Variants in TSGA10 observed in about 807,000 individuals in gnomAD.
The protein encoded by TSGA10 is testis specific 10.
TSGA10 carries 43 observed loss-of-function variants against 96.6 expected under a neutral mutation model. The ratio of observed to expected loss-of-function variants is 0.44; its 90% confidence interval spans 0.35 to 0.57. TSGA10 has a LOEUF of 0.57. TSGA10 is among the 20% of genes least tolerant of loss of function. The probability of loss-of-function intolerance (pLI) is 0.01; values close to 1 mark genes in which losing one functional copy is unlikely to be tolerated. For synonymous variants in TSGA10, 229 were observed against 269.9 expected (o/e 0.85, Z 1.48); for missense variants, 703 against 834.4 (o/e 0.84, Z 1.94).
At chr2:99,045,784 C>G (rs59677064) in intron 16 of TSGA10, among the ~76,000 whole-genome samples, 1 of 152,104 alleles carries the variant, frequency 6.6e-6, no homozygotes, top group Admixed American at 6.5e-5. Context: ...AAGACACAGA[C>G]TGGCAAATTT....
intron 20 of TSGA10, among the ~76,000 whole-genome samples, chr2:99,005,495 A>G (rs1028689001): frequency 5.3e-5 from 8 of 152,200 alleles, no homozygotes; most frequent in Admixed American, 6.5e-5. Context: ...TTATACACCA[A>G]TAACAGACAG....
chr2:99,046,808 A>G (rs957656219), intron 16 of TSGA10, among the ~76,000 whole-genome samples: 2 of 152,188 alleles, frequency 1.3e-5, no homozygotes, highest in South Asian at 2.1e-4. Flanking sequence ...AAGATCAACA[A>G]AACTGATAGA....
rs186469468 is a variant in TSGA10 at position 99,087,430 on chromosome 2, C to T, written c.612-6033G>A. Among the ~76,000 whole-genome samples, 10 of 152,218 alleles carry T rather than the reference C, an allele frequency of 6.6e-5. No individual in the cohort carries two copies. The East Asian group carries it at 1.4e-3, about 21-fold the overall frequency. ...CTGAGGCAGGAGAATCGTTTGAACC[C>T]GGGAGGCGGAGGTTGCAGTGAGCCG... On this transcript the variant is annotated intron_variant, in intron 10 of 20. Transcript: ENST00000393483.
In TSGA10 at chr2:99,100,725, C is replaced by A. The variant is rs111356201; in HGVS notation, c.611+3242G>T. On this transcript the variant is annotated intron_variant, in intron 10 of 20. Coordinates refer to ENST00000393483, the MANE Select transcript of TSGA10 (RefSeq NM_025244.4). Reference sequence around the variant, plus strand: ...GTCCCAGCTGCTCAGGAGGCTGAGGCAGGAGAATGGTGTGAACCCCGGAGG... The same window carrying A: ...GTCCCAGCTGCTCAGGAGGCTGAGGAAGGAGAATGGTGTGAACCCCGGAGG... Among the ~76,000 whole-genome samples the A allele has an allele frequency of 2.0e-3, 290 of 146,084 alleles. 1 individual carries two copies. Among genetic ancestry groups the A allele is most frequent in the African/African-American group, 7.0e-3 (277 of 39,504 alleles).
At chr2:99,088,470 ACATATCCCC>A (rs2088850545) in intron 10 of TSGA10, among the ~76,000 whole-genome samples, 1 of 152,182 alleles carries the variant, frequency 6.6e-6, no homozygotes, top group South Asian at 2.1e-4. Flanking sequence ...GGGTCTTGGG[ACATATCCCC>A]CCTCGATAAG....
At chr2:99,046,441 T>A (rs569327398) in intron 16 of TSGA10, among the ~76,000 whole-genome samples, 1 of 152,078 alleles carries the variant, frequency 6.6e-6, no homozygotes, top group African/African-American at 2.4e-5. Flanking sequence ...CTCAACTACA[T>A]GGAAACTGAA....
intron 10 of TSGA10, among the ~76,000 whole-genome samples, chr2:99,096,313 A>G (rs940250634): frequency 4.6e-5 from 7 of 152,218 alleles, no homozygotes; most frequent in Non-Finnish European, 8.8e-5. Flanking sequence ...AAGTTGTTAT[A>G]CACCTTTCTA....
intron 17 of TSGA10, among the ~76,000 whole-genome samples, chr2:99,028,088 C>T (rs547332223): frequency 1.3e-5 from 2 of 152,156 alleles, no homozygotes; most frequent in Non-Finnish European, 2.9e-5. Flanking sequence ...TAGCCCCTCC[C>T]GCTAGGATGC....
chr2:99,010,530 T>C (rs895183008), intron 20 of TSGA10, among the ~76,000 whole-genome samples: 3 of 152,204 alleles, frequency 2.0e-5, no homozygotes, highest in Non-Finnish European at 4.4e-5. Context: ...AAGAGATTTA[T>C]GGAGTCACGT....
chr2:99,006,196 G>T (rs2078454082), intron 20 of TSGA10, among the ~76,000 whole-genome samples: 2 of 152,276 alleles, frequency 1.3e-5, no homozygotes, highest in Admixed American at 1.3e-4. Context: ...AACCTTAGAA[G>T]AAAACCTAGG....
intron 10 of TSGA10, among the ~76,000 whole-genome samples, chr2:99,092,844 C>T (rs1464901810): frequency 1.3e-5 from 2 of 152,000 alleles, no homozygotes; most frequent in Non-Finnish European, 2.9e-5. Context: ...AGAATTGGTA[C>T]CAATTCTACT....
At chr2:99,032,082 T>A (rs1181042613) in intron 17 of TSGA10, among the ~76,000 whole-genome samples, 2 of 152,164 alleles carry the variant, frequency 1.3e-5, no homozygotes, top group Admixed American at 1.3e-4. Flanking sequence ...AGTGAGTTGA[T>A]GTGCTTCAAT....
At position 98,998,160 on chromosome 2, in the gene TSGA10, T is replaced by C; in HGVS notation, c.*37A>G. The C allele has an allele frequency of 6.3e-7, 1 of 1,581,940 alleles. No homozygotes were observed. Among genetic ancestry groups the C allele is most frequent in the African/African-American group, 1.4e-5 (1 of 73,174 alleles). ...AAAAAAAAAAATCAGTTTGTAACTTTGACCTTTCTCAGGGATGTGAAGAAT... is the reference window on the plus strand; with the variant it reads ...AAAAAAAAAAATCAGTTTGTAACTTCGACCTTTCTCAGGGATGTGAAGAAT... On this transcript the variant is annotated 3_prime_UTR_variant, in exon 21 of 21. Coordinates refer to ENST00000393483, the MANE Select transcript of TSGA10 (RefSeq NM_025244.4).
chr2:99,150,870 T>A, intron 1 of TSGA10: 1 of 1,390,420 alleles, frequency 7.2e-7, no homozygotes, highest in South Asian at 1.3e-5. Context: ...AACCAAAAAC[T>A]GCCTTTGACT....
intron 14 of TSGA10, among the ~76,000 whole-genome samples, chr2:99,069,308 C>T (rs546946698): frequency 6.6e-6 from 1 of 152,004 alleles, no homozygotes; most frequent in South Asian, 2.1e-4. Flanking sequence ...AGCTATTCAG[C>T]TATGGTAAAG....
chr2:99,019,327 C>CA (rs1262986096), intron 18 of TSGA10, among the ~76,000 whole-genome samples: 1 of 152,178 alleles, frequency 6.6e-6, no homozygotes, highest in East Asian at 1.9e-4. Flanking sequence ...CAGTCTAAAA[C>CA]AGAGTATAGC....
At chr2:99,141,110 C>A in intron 1 of TSGA10, 11 of 1,284,642 alleles carry the variant, frequency 8.6e-6, no homozygotes, top group Non-Finnish European at 1.1e-5. Context: ...TCCCCGGGCT[C>A]CTCGGCCCGC....
At chr2:99,046,848 A>G (rs1299143607) in intron 16 of TSGA10, among the ~76,000 whole-genome samples, 1 of 152,214 alleles carries the variant, frequency 6.6e-6, no homozygotes, top group African/African-American at 2.4e-5. Flanking sequence ...AGAAGAAAAG[A>G]GAGAAGAATC....
intron 16 of TSGA10, among the ~76,000 whole-genome samples, chr2:99,054,812 C>A (rs1269384635): frequency 6.6e-6 from 1 of 152,146 alleles, no homozygotes; most frequent in African/African-American, 2.4e-5. Context: ...GTAAAAACCA[C>A]CTCACACCTG....
Sources: gnomAD v4.1 joint callset for allele counts (sites outside exome capture counted in the v4.1 genomes callset) on GRCh38, gnomAD v4.1.1 for gene constraint, MANE v1.5 for transcripts, NCBI Gene and HGNC (gene_info 2026-07-23, HGNC 2026-07-21) for gene names.